Variants in RALGAPA2 observed in about 807,000 individuals in gnomAD.
RALGAPA2 encodes the protein Ral GTPase activating protein catalytic subunit alpha 2, also known as ral GTPase-activating protein subunit alpha-2.
Under a neutral mutation model 230.4 loss-of-function variants are expected in RALGAPA2, and 139 were observed. The ratio of observed to expected loss-of-function variants is 0.60; its 90% CI spans 0.53 to 0.69. RALGAPA2 has a LOEUF of 0.69. Among genes scored for constraint, RALGAPA2 ranks in the 30% least tolerant of loss-of-function variants. The pLI is 0.00. For missense variants in RALGAPA2, 2,163 were observed against 2,276.0 expected, an observed-to-expected ratio of 0.95 and a Z score of 1.01; for synonymous variants, 847 against 837.8, an observed-to-expected ratio of 1.01 and a Z score of -0.19.
intron 16 of RALGAPA2, among the ~76,000 whole-genome samples, 168 bp downstream of exon 16, chr20:20,601,514 G>A (rs2065652584): frequency 6.6e-6 from 1 of 152,204 alleles, no homozygotes; most frequent in African/African-American, 2.4e-5. Flanking sequence ...ACTGAAAACT[G>A]TGATTTGAAA....
At chr20:20,403,563 A>G (rs1034434023) in intron 38 of RALGAPA2, among the ~76,000 whole-genome samples, 9 of 151,416 alleles carry the variant, frequency 5.9e-5, no homozygotes, top group African/African-American at 2.2e-4. Flanking sequence ...TTCCTCTGGG[A>G]CTCTCACATG....
chr20:20,611,262 A>G, intron 14 of RALGAPA2, 53 bp downstream of exon 14: 1 of 1,538,652 alleles, frequency 6.5e-7, no homozygotes, highest in East Asian at 2.3e-5. Context: ...CTAGTTTGCT[A>G]CAAAATCTGA....
chr20:20,459,630 C>T (rs115312311), intron 37 of RALGAPA2, among the ~76,000 whole-genome samples: 2 of 151,730 alleles, frequency 1.3e-5, no homozygotes, highest in East Asian at 1.9e-4. Flanking sequence ...AAGACCCTTG[C>T]GCCCTGAAAA....
intron 1 of RALGAPA2, among the ~76,000 whole-genome samples, chr20:20,690,522 A>G (rs886736198): frequency 1.3e-5 from 2 of 152,096 alleles, no homozygotes; most frequent in South Asian, 4.1e-4. Context: ...TGTCACCCCC[A>G]CACAGCTCTG....
intron 16 of RALGAPA2, among the ~76,000 whole-genome samples, chr20:20,600,635 G>C (rs1262648526): frequency 1.3e-5 from 2 of 152,172 alleles, no homozygotes; most frequent in African/African-American, 4.8e-5. Context: ...ATGAATCTTT[G>C]TTTTATGGCC....
chr20:20,640,674 C>A, intron 6 of RALGAPA2, 27 bp downstream of exon 6: 1 of 1,576,344 alleles, frequency 6.3e-7, no homozygotes, highest in Admixed American at 1.8e-5. Flanking sequence ...GTAATTTCAA[C>A]ATGGGAGATC....
rs566788163 is a variant in RALGAPA2 at position 20,443,822 on chromosome 20, A to G, written c.5495+29007T>C. On this transcript the variant is annotated intron_variant, in intron 37 of 39. Transcript: ENST00000202677. ...GCTAAGTCCTGGATAGCTGTTAGCCACTATTCTCCCCTCTCAGATCTGGAA... is the reference window on the plus strand; with the variant it reads ...GCTAAGTCCTGGATAGCTGTTAGCCGCTATTCTCCCCTCTCAGATCTGGAA... Among the ~76,000 whole-genome samples the G allele has an allele frequency of 6.6e-5, 10 of 152,360 alleles. No homozygotes were observed. The South Asian group carries it at 2.1e-3, about 32-fold the overall frequency.
At chr20:20,497,451 G>A (rs184742418) in intron 35 of RALGAPA2, among the ~76,000 whole-genome samples, 7 of 152,284 alleles carry the variant, frequency 4.6e-5, no homozygotes, top group African/African-American at 1.7e-4. Flanking sequence ...AAGACAGCCA[G>A]CTTCAGGGTG....
chr20:20,528,601 G>T (rs2063288153), intron 27 of RALGAPA2, among the ~76,000 whole-genome samples: 1 of 152,080 alleles, frequency 6.6e-6, no homozygotes, highest in African/African-American at 2.4e-5. Flanking sequence ...CACAAGAGTT[G>T]GTGAGTATGG....
At chr20:20,692,894 A>G (rs760108540) in intron 1 of RALGAPA2, among the ~76,000 whole-genome samples, 86 of 152,318 alleles carry the variant, frequency 5.6e-4, no homozygotes, top group Non-Finnish European at 9.6e-4. Flanking sequence ...TATAGGAGAA[A>G]GAAATTCTTA....
intron 30 of RALGAPA2, 79 bp downstream of exon 30, chr20:20,524,327 A>G: frequency 6.5e-7 from 1 of 1,537,084 alleles, no homozygotes; most frequent in Non-Finnish European, 8.9e-7. Context: ...ACAAATAAGT[A>G]CATGCATAAG....
At chr20:20,493,425 A>G (rs1011004194) in intron 36 of RALGAPA2, among the ~76,000 whole-genome samples, 2 of 152,238 alleles carry the variant, frequency 1.3e-5, no homozygotes, top group African/African-American at 4.8e-5. Context: ...AATTCATTAA[A>G]TGTGCAAACA....
At chr20:20,447,942 G>A (rs764191171) in intron 37 of RALGAPA2, among the ~76,000 whole-genome samples, 1 of 152,136 alleles carries the variant, frequency 6.6e-6, no homozygotes, top group Non-Finnish European at 1.5e-5. Flanking sequence ...GCATCATTCT[G>A]CCTTCCTTGT....
chr20:20,421,676 T>C (rs190503620), intron 37 of RALGAPA2, among the ~76,000 whole-genome samples: 124 of 151,906 alleles, frequency 8.2e-4, no homozygotes, highest in African/African-American at 2.2e-3. Context: ...GTCTCAAAAA[T>C]AAACAAACAA....
At chr20:20,642,193 T>A (rs1441047481) in intron 5 of RALGAPA2, among the ~76,000 whole-genome samples, 15 of 139,610 alleles carry the variant, frequency 1.1e-4, no homozygotes, top group African/African-American at 3.5e-4. Context: ...GAAGGCTCTA[T>A]GTATATCTTT....
At chr20:20,477,984 T>C (rs1287644455) in intron 36 of RALGAPA2, among the ~76,000 whole-genome samples, 1 of 152,190 alleles carries the variant, frequency 6.6e-6, no homozygotes, top group Admixed American at 6.5e-5. Flanking sequence ...TCTGGCCCTT[T>C]ACAAAAAATG....
rs1448941331 is a variant in RALGAPA2 at position 20,604,411 on chromosome 20, G to T, written c.2038+764C>A. Among the ~76,000 whole-genome samples the T allele has an allele frequency of 2.6e-5, 4 of 152,190 alleles. No individual in the cohort carries two copies. In the East Asian group the frequency reaches 7.7e-4, roughly 29 times the overall value. On this transcript the variant is annotated intron_variant, in intron 15 of 39. Coordinates refer to ENST00000202677, the MANE Select transcript of RALGAPA2 (RefSeq NM_020343.4). ...AACTTTTACCCAGAAATACAACAAAGCCAAAATAGCTCCCATCTGAAGCAT... is the reference window on the plus strand; with the variant it reads ...AACTTTTACCCAGAAATACAACAAATCCAAAATAGCTCCCATCTGAAGCAT...
intron 37 of RALGAPA2, among the ~76,000 whole-genome samples, chr20:20,469,112 A>G (rs1464508744): frequency 6.6e-6 from 1 of 152,174 alleles, no homozygotes. Flanking sequence ...TCACATTTCT[A>G]TTCCTAGCGG....
At chr20:20,411,322 C>T (rs1543456) in intron 38 of RALGAPA2, among the ~76,000 whole-genome samples, 96,609 of 152,128 alleles carry the variant, frequency 0.64, 30,933 homozygotes, top group African/African-American at 0.74. Flanking sequence ...ACAGTAATCA[C>T]ATAATCTGTT....
Sources: gnomAD v4.1 joint callset for allele counts (sites outside exome capture counted in the v4.1 genomes callset) on GRCh38, gnomAD v4.1.1 for gene constraint, MANE v1.5 for transcripts, NCBI Gene and HGNC (gene_info 2026-07-23, HGNC 2026-07-21) for gene names.